Variants in PHTF2 observed in about 807,000 individuals in gnomAD.
PHTF2 encodes putative homeodomain transcription factor 2.
Under a neutral mutation model 101.2 loss-of-function variants are expected in PHTF2, and 60 were observed. The observed-to-expected ratio is 0.59, with a 90% CI of 0.48 to 0.73. The LOEUF (loss-of-function observed/expected upper bound fraction) is 0.73. PHTF2 is among the 30% of genes least tolerant of loss of function. The pLI, the probability that PHTF2 is intolerant of heterozygous loss-of-function variation, is 0.00. For synonymous variants in PHTF2, 311 were observed against 307.3 expected, an observed-to-expected ratio of 1.01 and a Z score of -0.13; for missense variants, 747 against 908.7, an observed-to-expected ratio of 0.82 and a Z score of 2.29.
chr7:77,873,149 G>T (rs1157796468), intron 3 of PHTF2, among the ~76,000 whole-genome samples: 1 of 152,024 alleles, frequency 6.6e-6, no homozygotes, highest in Non-Finnish European at 1.5e-5. Flanking sequence ...AGGTGGTCTC[G>T]ATCTCCTGAC....
In PHTF2 at chr7:77,954,626, A is replaced by G. The variant is rs6465915; in HGVS notation, c.2338-232A>G. Among the ~76,000 whole-genome samples the G allele has an allele frequency of 2.3e-3, 324 of 141,372 alleles. 2 individuals are homozygous for G. The highest frequency in any genetic ancestry group is 8.1e-3 in the African/African-American group (297 of 36,736). The allele number at this position is 141,372 out of a possible 152,430, so 92.7% of individuals were successfully genotyped here. The stretch of plus-strand genomic sequence containing the variant: ...ACAAGTACTGTGTATATATATATAT[A>G]TATATATATATATATATATAGCCAC... On this transcript the variant is annotated intron_variant, in intron 19 of 19. Coordinates refer to ENST00000416283, the Ensembl canonical transcript of PHTF2.
chr7:77,883,183 T>C (rs922285121), intron 3 of PHTF2, among the ~76,000 whole-genome samples: 1 of 152,076 alleles, frequency 6.6e-6, no homozygotes, highest in Non-Finnish European at 1.5e-5. Context: ...CTATTTGATA[T>C]CCAAAGGATT....
At chr7:77,830,119 C>T (rs1794968201) in intron 1 of PHTF2, among the ~76,000 whole-genome samples, 1 of 152,114 alleles carries the variant, frequency 6.6e-6, no homozygotes, top group African/African-American at 2.4e-5. Context: ...AGACATTGGA[C>T]TGCTCTCAAA....
chr7:77,919,314 CTT>C (rs892201925), intron 9 of PHTF2, among the ~76,000 whole-genome samples: 14 of 152,154 alleles, frequency 9.2e-5, no homozygotes, highest in African/African-American at 3.4e-4. Context: ...TTTTAAAAAA[CTT>C]TTGGTTTTTG....
intron 2 of PHTF2, among the ~76,000 whole-genome samples, chr7:77,844,397 T>C (rs1024098819): frequency 6.6e-6 from 1 of 152,246 alleles, no homozygotes; most frequent in African/African-American, 2.4e-5. Context: ...ATTTGTAGAC[T>C]CTTTTGAACA....
At chr7:77,946,777 G>C (rs1314708127) in intron 16 of PHTF2, among the ~76,000 whole-genome samples, 1 of 152,148 alleles carries the variant, frequency 6.6e-6, no homozygotes, top group Non-Finnish European at 1.5e-5. Context: ...GATTTGGCCA[G>C]TGGACCATAA....
intron 3 of PHTF2, among the ~76,000 whole-genome samples, chr7:77,889,572 A>AT (rs1391109579): frequency 5.2e-5 from 6 of 114,576 alleles, no homozygotes; most frequent in African/African-American, 2.1e-4. Context: ...TTCTGGTAGT[A>AT]TTTTCTTTTT....
intron 12 of PHTF2, among the ~76,000 whole-genome samples, chr7:77,934,226 A>G (rs1257777811): frequency 6.6e-6 from 1 of 152,232 alleles, no homozygotes; most frequent in East Asian, 1.9e-4. Flanking sequence ...TTGAATTAGT[A>G]TGTTCTAATC....
intron 1 of PHTF2, among the ~76,000 whole-genome samples, chr7:77,808,790 A>G (rs1405319718): frequency 6.6e-6 from 1 of 152,132 alleles, no homozygotes; most frequent in Non-Finnish European, 1.5e-5. Flanking sequence ...CATCCTGGAA[A>G]CTTTGCAGAC....
chr7:77,920,202 A>G (rs932434571), intron 9 of PHTF2, 77 bp from the exon 9 acceptor site: 28 of 712,044 alleles, frequency 3.9e-5, no homozygotes, highest in African/African-American at 3.6e-4. Flanking sequence ...GTAATTATTA[A>G]CAGATTATAA....
intron 2 of PHTF2, among the ~76,000 whole-genome samples, chr7:77,850,641 CAAAAAA>C (rs545263519): frequency 1.9e-4 from 10 of 52,758 alleles, no homozygotes; most frequent in Non-Finnish European, 4.1e-4. Context: ...GACCCTGTCT[CAAAAAA>C]AAAAAAAAAA....
At position 77,856,682 on chromosome 7, in the gene PHTF2, C is replaced by CT. The variant is rs550131293; in HGVS notation, c.147+1856dup. 3.9e-5 allele frequency among the ~76,000 whole-genome samples: 6 copies of CT among 152,006 alleles called. No homozygotes were observed. The South Asian group carries it at 1.0e-3, about 26-fold the overall frequency. ...TTTGTTTGTACTGAGCATGTGCAGA[C>CT]TTTTTTTTCCTTGCCGTTATTCCCT... On this transcript the variant is annotated intron_variant, in intron 3 of 19. Coordinates refer to ENST00000416283, the Ensembl canonical transcript of PHTF2.
chr7:77,925,845 C>T (rs1162052904), intron 11 of PHTF2, among the ~76,000 whole-genome samples: 2 of 151,904 alleles, frequency 1.3e-5, no homozygotes, highest in Non-Finnish European at 2.9e-5. Flanking sequence ...ATCACGAGGT[C>T]AAGAGATCAA....
At chr7:77,942,640 G>A in intron 15 of PHTF2, 60 bp from the exon 15 acceptor site, 5 of 903,034 alleles carry the variant, frequency 5.5e-6, no homozygotes, top group Non-Finnish European at 6.9e-6. Flanking sequence ...GAAATTATCT[G>A]CTGATTAGTA....
chr7:77,861,681 G>A (rs903598167), intron 3 of PHTF2, among the ~76,000 whole-genome samples: 1 of 152,194 alleles, frequency 6.6e-6, no homozygotes, highest in African/African-American at 2.4e-5. Context: ...CCAGCACTTT[G>A]GGAGGCCAAG....
intron 3 of PHTF2, among the ~76,000 whole-genome samples, chr7:77,855,399 G>A (rs907299298): frequency 6.6e-6 from 1 of 152,212 alleles, no homozygotes; most frequent in Non-Finnish European, 1.5e-5. Flanking sequence ...CCAAATGGAA[G>A]GAAGGAGTCT....
intron 3 of PHTF2, among the ~76,000 whole-genome samples, chr7:77,857,121 C>T (rs1228471828): frequency 6.6e-6 from 1 of 152,156 alleles, no homozygotes; most frequent in African/African-American, 2.4e-5. Context: ...CCACAGTGAT[C>T]AGTCCAGGTA....
chr7:77,937,627 G>A, intron 12 of PHTF2, 83 bp from the exon 12 acceptor site: 1 of 425,978 alleles, frequency 2.3e-6, no homozygotes, highest in South Asian at 7.7e-5. Context: ...TGTGTATATA[G>A]AGATATATAT....
chr7:77,901,439 C>G (rs1439152771), intron 6 of PHTF2, among the ~76,000 whole-genome samples: 1 of 144,988 alleles, frequency 6.9e-6, no homozygotes, highest in Non-Finnish European at 1.5e-5. Flanking sequence ...CCCTGGGCAG[C>G]AGAGTGAGAT....
Sources: allele counts gnomAD v4.1 joint callset (sites outside exome capture counted in the v4.1 genomes callset), GRCh38; gene constraint gnomAD v4.1.1; transcripts MANE v1.5; gene names NCBI Gene and HGNC (gene_info 2026-07-23, HGNC 2026-07-21).